SHMT1: variants seen among roughly 807,000 people sequenced by gnomAD.
The protein encoded by SHMT1 is serine hydroxymethyltransferase 1.
SHMT1 carries 45 observed loss-of-function variants against 49.0 expected under a neutral mutation model. The ratio of observed to expected loss-of-function variants is 0.92; its 90% CI spans 0.72 to 1.18. The LOEUF is 1.18. Among genes scored for constraint, SHMT1 ranks in the 50% most tolerant of loss-of-function variants. The pLI is 0.00. For synonymous variants in SHMT1, 232 were observed against 246.6 expected, an observed-to-expected ratio of 0.94 and a Z score of 0.55; for missense variants, 541 against 612.4, an observed-to-expected ratio of 0.88 and a Z score of 1.23.
intron 1 of SHMT1, among the ~76,000 whole-genome samples, chr17:18,359,114 T>G (rs1567796973): frequency 6.6e-6 from 1 of 151,500 alleles, no homozygotes; most frequent in Non-Finnish European, 1.5e-5. Flanking sequence ...GGCAGGCACC[T>G]GTAACCCCAG....
At chr17:18,330,442 A>G in intron 10 of SHMT1, 113 bp downstream of exon 10, 1 of 863,400 alleles carries the variant, frequency 1.2e-6, no homozygotes, top group South Asian at 1.3e-5. Flanking sequence ...AGCCCCCACT[A>G]CAGTTTTTAT....
chr17:18,356,721 T>C lies in SHMT1; in HGVS notation c.-19-721A>G, dbSNP rs143926097. ...ACTTTTTTTAGCCTTTCCCTCAGAA[T>C]TGCTTGGTAAACACGAGCATGTTCT... is the stretch of plus-strand genomic sequence containing the variant. On this transcript the variant is annotated intron_variant, in intron 1 of 11. Coordinates refer to ENST00000316694, the MANE Select transcript of SHMT1 (RefSeq NM_004169.5). Among the ~76,000 whole-genome samples the C allele has an allele frequency of 3.2e-3, 482 of 152,234 alleles. 4 individuals carry two copies. The highest frequency in any genetic ancestry group is 0.011 in the African/African-American group (452 of 41,530).
chr17:18,335,116 C>T (rs1350110281), intron 8 of SHMT1, among the ~76,000 whole-genome samples: 3 of 152,200 alleles, frequency 2.0e-5, no homozygotes, highest in Non-Finnish European at 4.4e-5. Flanking sequence ...GCTGGGCAGG[C>T]ATGGAATCTG....
In SHMT1 at chr17:18,328,658, C is replaced by G; in HGVS notation, c.*92G>C. 1 of 1,421,038 alleles carries G rather than the reference C, an allele frequency of 7.0e-7. No individual in the cohort carries two copies. The highest frequency in any genetic ancestry group is 9.6e-7 in the Non-Finnish European group (1 of 1,038,538). 88.0% of individuals were successfully genotyped at this position (1,421,038 alleles called of 1,614,324 possible). A position where few individuals can be genotyped will look rare whatever the true frequency, so the allele number is the denominator to read the frequency against. On this transcript the variant is annotated 3_prime_UTR_variant, in exon 12 of 12. Transcript: ENST00000316694. ...AAGGGCCCGAGTGTCAACAGTTCCC[C>G]TTTGGAGCAGCTCATCCATCTCTCA...
chr17:18,354,915 G>A (rs1197276867), intron 2 of SHMT1, among the ~76,000 whole-genome samples: 2 of 150,112 alleles, frequency 1.3e-5, no homozygotes, highest in Non-Finnish European at 1.5e-5. Context: ...CCAGGGCGTG[G>A]TGGCTGGCAC....
At chr17:18,352,901 AAAAG>A (rs1354959040) in intron 3 of SHMT1, among the ~76,000 whole-genome samples, 2 of 152,100 alleles carry the variant, frequency 1.3e-5, no homozygotes, top group Non-Finnish European at 2.9e-5. Context: ...AGGAAAAAGA[AAAAG>A]AAAGGAGAGA....
chr17:18,350,331 AAAATAAAT>A (rs1009851533), intron 3 of SHMT1, among the ~76,000 whole-genome samples: 44 of 151,656 alleles, frequency 2.9e-4, no homozygotes, highest in Admixed American at 2.0e-3. Context: ...ACTCCGTCTC[AAAATAAAT>A]AAATAAATAA....
intron 7 of SHMT1, 126 bp from the exon 8 acceptor site, chr17:18,335,801 C>T: frequency 2.5e-6 from 2 of 787,128 alleles, no homozygotes; most frequent in Non-Finnish European, 4.6e-6. Flanking sequence ...GCATGGAGAA[C>T]TGATTTGTAA....
chr17:18,356,813 A>G (rs1986282827), intron 1 of SHMT1, among the ~76,000 whole-genome samples: 1 of 152,076 alleles, frequency 6.6e-6, no homozygotes, highest in Non-Finnish European at 1.5e-5. Flanking sequence ...CATCTCCCTC[A>G]GAAATGAGAA....
chr17:18,340,800 G>C lies in SHMT1; in HGVS notation c.533C>G (p.Thr178Ser). Reference protein sequence around the residue: ...ESMPYKVNPDTGYINYDQLEE... With the variant: ...ESMPYKVNPDSGYINYDQLEE... ...CAGCTGGTCATAGTTGATGTAGCCA[G>C]TATCTGGGTTCACCTGTGGAATGTC... The change falls in exon 6 of 12, where the codon ACT (threonine) becomes AGT (serine). Residue 178 changes from threonine (T) to serine (S), a missense_variant. By Grantham distance (58) the Thr-to-Ser change is moderately conservative. Transcript: ENST00000316694. This position sits in a 1 kb window ranked among gnomAD's most constrained non-coding sequence, Gnocchi z 4.5. The C allele has an allele frequency of 6.2e-7, 1 of 1,613,400 alleles. No individual in the cohort carries two copies. Among genetic ancestry groups the C allele is most frequent in the Non-Finnish European group, 8.5e-7 (1 of 1,179,734 alleles).
chr17:18,348,688 G>C (rs747279682), intron 3 of SHMT1: 46 of 609,542 alleles, frequency 7.5e-5, no homozygotes, highest in African/African-American at 5.4e-4. Context: ...AAAAGAGGGG[G>C]TTTTGGCTGG....
intron 3 of SHMT1, among the ~76,000 whole-genome samples, chr17:18,348,971 A>G (rs537725326): frequency 6.6e-6 from 1 of 150,616 alleles, no homozygotes; most frequent in Admixed American, 6.7e-5. Context: ...GTCTCAAAAA[A>G]AAAAAAGAAA....
At chr17:18,348,983 G>A (rs1258127522) in intron 3 of SHMT1, among the ~76,000 whole-genome samples, 9 of 139,754 alleles carry the variant, frequency 6.4e-5, no homozygotes, top group Admixed American at 7.4e-5. Context: ...AAAAAGAAAA[G>A]AAAAAGAAAA....
rs1984416975 is a variant in SHMT1, at chr17:18,340,764, G to A, written c.569C>T (p.Ala190Val). The stretch of plus-strand genomic sequence containing the variant: ...GATCAGCTTCGGGTGGAAGAGGCGT[G>A]CGTTCTCCTCCAGCTGGTCATAGTT... ...YINYDQLEENARLFHPKLIIA... is the reference protein window; with the variant it reads ...YINYDQLEENVRLFHPKLIIA... Residue 190 changes from alanine (A) to valine (V), a missense_variant, in exon 6 of 12, where the codon GCA (alanine) becomes GTA (valine). Transcript: ENST00000316694. The surrounding 1 kb of genome is among the most constrained non-coding windows in gnomAD (Gnocchi z 4.5). 6.2e-7 allele frequency: 1 copy of A among 1,613,352 alleles called. No homozygotes were observed. Among genetic ancestry groups the A allele is most frequent in the Non-Finnish European group, 8.5e-7 (1 of 1,179,746 alleles).
intron 1 of SHMT1, among the ~76,000 whole-genome samples, chr17:18,359,129 T>C (rs1986520613): frequency 6.6e-6 from 1 of 151,318 alleles, no homozygotes; most frequent in African/African-American, 2.4e-5. Context: ...CCCCAGCTAC[T>C]TGGGAGGCTG....
chr17:18,353,245 ATT>A (rs1225596696), intron 3 of SHMT1, among the ~76,000 whole-genome samples: 4 of 152,342 alleles, frequency 2.6e-5, no homozygotes, highest in Non-Finnish European at 2.9e-5. Flanking sequence ...TAAATCCAAC[ATT>A]TATAATGCAG....
rs776805160 is a variant in SHMT1 at position 18,328,742 on chromosome 17, C to T, written c.*8G>A. ...GGCGCCAGGTGGGTCCAGAGTGGGC[C>T]CGCTCCTTTAGAAGTCAGGCAGGCC... On this transcript the variant is annotated 3_prime_UTR_variant, in exon 12 of 12. Coordinates refer to ENST00000316694, the MANE Select transcript of SHMT1 (RefSeq NM_004169.5). 1.3e-6 allele frequency: 2 copies of T among 1,558,228 alleles called. No individual in the cohort carries two copies. Among genetic ancestry groups the T allele is most frequent in the East Asian group, 4.8e-5 (2 of 41,726 alleles).
chr17:18,332,546 G>T (rs1371579963), intron 9 of SHMT1: 2 of 178,732 alleles, frequency 1.1e-5, no homozygotes, highest in Non-Finnish European at 2.4e-5. Context: ...CCTTCCTCCG[G>T]AGGACTGAGT....
chr17:18,342,501 A>G (rs1357561809), intron 5 of SHMT1, among the ~76,000 whole-genome samples: 1 of 151,982 alleles, frequency 6.6e-6, no homozygotes, highest in Non-Finnish European at 1.5e-5. Flanking sequence ...TTTTGTAGAG[A>G]TGGGGTTTCA....
Sources: allele counts gnomAD v4.1 joint callset (sites outside exome capture counted in the v4.1 genomes callset), GRCh38; gene constraint gnomAD v4.1.1; non-coding constraint Gnocchi (gnomAD v3.1); transcripts MANE v1.5; gene names NCBI Gene and HGNC (gene_info 2026-07-23, HGNC 2026-07-21).